SLC9A7: variants seen among roughly 807,000 people sequenced by gnomAD.
SLC9A7 encodes the protein solute carrier family 9 member A7, also known as sodium/hydrogen exchanger 7.
In SLC9A7, 19 loss-of-function variants were observed where a neutral mutation model predicts 52.6. The observed-to-expected ratio is 0.36, with a 90% CI of 0.25 to 0.53. SLC9A7 has a LOEUF of 0.53. SLC9A7 is among the 20% of genes least tolerant of loss of function. The pLI is 0.91. For missense variants in SLC9A7, 455 were observed against 597.9 expected (o/e 0.76, Z 2.49); for synonymous variants, 226 against 252.1 (o/e 0.90, Z 0.98).
chrX:46,630,913 C>T (rs1943210404), intron 14 of SLC9A7, among the ~76,000 whole-genome samples: 1 of 112,386 alleles, frequency 8.9e-6, no homozygotes, highest in South Asian at 3.7e-4. Context: ...ATAAGAAATC[C>T]AACTACCCAG....
At chrX:46,618,936 T>A (rs1382922795) in intron 15 of SLC9A7, among the ~76,000 whole-genome samples, 6 of 75,502 alleles carry the variant, frequency 7.9e-5, no homozygotes, top group Non-Finnish European at 1.4e-4. Context: ...AGAGTGAGAC[T>A]CTGTCTCAAA....
chrX:46,682,852 G>A (rs946096705), intron 1 of SLC9A7, among the ~76,000 whole-genome samples: 24 of 109,203 alleles, frequency 2.2e-4, no homozygotes, highest in African/African-American at 7.4e-4. Flanking sequence ...GGAGTGCAGT[G>A]GCGTGATCTG....
intron 10 of SLC9A7, among the ~76,000 whole-genome samples, chrX:46,650,233 G>A (rs1041494874): frequency 9.0e-6 from 1 of 111,444 alleles, no homozygotes; most frequent in Non-Finnish European, 1.9e-5. Flanking sequence ...AAAGGCAAAT[G>A]TGAATGTCCA....
rs1017677469 is a variant in SLC9A7 at position 46,684,528 on chromosome X, T to C, written c.326-1993A>G. On this transcript the variant is annotated intron_variant, in intron 1 of 16. Coordinates refer to ENST00000616978, the MANE Select transcript of SLC9A7 (RefSeq NM_001257291.2). ...CCCCAGACCTTTTAAAAAACATATT[T>C]AAAAAAACATATTTATCATTACCAA... 2.7e-5 allele frequency among the ~76,000 whole-genome samples: 3 copies of C among 111,775 alleles called. No homozygotes were observed. The Admixed American group carries it at 2.8e-4, about 11-fold the overall frequency.
Position 46,648,693 on chromosome X carries a change from C to T in SLC9A7, c.1455G>A (p.Met485Ile). The change falls in exon 11 of 17, where the codon ATG (methionine) becomes ATA (isoleucine). Residue 485 changes from methionine (M) to isoleucine (I), a missense_variant. Physicochemically the swap from Met to Ile is conservative, Grantham distance 10. Coordinates refer to ENST00000616978, the MANE Select transcript of SLC9A7 (RefSeq NM_001257291.2). ...ACACTTACGCCTTTTTACCTGAAAA[C>T]ATCATCATGTGTTGAAAATTCCAGC... ...KIGWNFQHMM[M>I]FSGLRGAMAF... The T allele has an allele frequency of 8.3e-7, 1 of 1,201,063 alleles. No individual in the cohort carries two copies. Among genetic ancestry groups the T allele is most frequent in the Non-Finnish European group, 1.1e-6 (1 of 886,045 alleles).
rs564771106 is a variant in SLC9A7 at position 46,671,941 on chromosome X, G to T, written c.680+610C>A. 2.3e-4 allele frequency among the ~76,000 whole-genome samples: 26 copies of T among 112,049 alleles called. No individual in the cohort carries two copies. In the South Asian group the frequency reaches 7.8e-3, roughly 34 times the overall value. On this transcript the variant is annotated intron_variant, in intron 4 of 16. Coordinates refer to ENST00000616978, the MANE Select transcript of SLC9A7 (RefSeq NM_001257291.2). ...GGGGACTGAGCTCCACCTCCTTGAGGGGGGATGTATCTACATAAAGTATTT... is the reference window on the plus strand; with the variant it reads ...GGGGACTGAGCTCCACCTCCTTGAGTGGGGATGTATCTACATAAAGTATTT...
At chrX:46,662,702 T>G in intron 5 of SLC9A7, 59 bp from the exon 6 acceptor site, 1 of 894,603 alleles carries the variant, frequency 1.1e-6, no homozygotes, top group Non-Finnish European at 1.6e-6. Context: ...AAATCACTGA[T>G]TACAGATTTA....
At chrX:46,640,417 G>A (rs1186767443) in intron 12 of SLC9A7, among the ~76,000 whole-genome samples, 1 of 112,184 alleles carries the variant, frequency 8.9e-6, no homozygotes, top group Non-Finnish European at 1.9e-5. Flanking sequence ...ATGGATCACA[G>A]ACTTAAATGT....
intron 3 of SLC9A7, among the ~76,000 whole-genome samples, chrX:46,673,716 T>C (rs184912844): frequency 2.1e-4 from 23 of 111,846 alleles, no homozygotes; most frequent in African/African-American, 7.5e-4. Context: ...GCAGCTACCA[T>C]GAAGCATGAC....
At chrX:46,672,427 G>A (rs1944039622) in intron 4 of SLC9A7, 124 bp downstream of exon 4, 4 of 463,785 alleles carry the variant, frequency 8.6e-6, no homozygotes, top group Non-Finnish European at 1.1e-5. Flanking sequence ...CATACTGAAC[G>A]GTGTAACTCT....
chrX:46,654,374 C>T (rs991737609), intron 7 of SLC9A7, among the ~76,000 whole-genome samples: 2 of 109,898 alleles, frequency 1.8e-5, no homozygotes, highest in Non-Finnish European at 3.8e-5. Flanking sequence ...CAGAGTGAGA[C>T]TCCGTCAAAA....
chrX:46,677,600 TA>T (rs1237300615), intron 3 of SLC9A7, among the ~76,000 whole-genome samples: 2 of 112,373 alleles, frequency 1.8e-5, no homozygotes, highest in Non-Finnish European at 3.8e-5. Context: ...AAATAAAGAA[TA>T]TCCGTTCCTA....
At chrX:46,682,960 A>ATTTTTTTTTTTTTTTTTTTT (rs1169630244) in intron 1 of SLC9A7, among the ~76,000 whole-genome samples, 8 of 64,903 alleles carry the variant, frequency 1.2e-4, no homozygotes, top group African/African-American at 2.1e-4. Flanking sequence ...CACCCGGCTA[A>ATTTTTTTTTTTTTTTTTTTT]TTTTTTTTTT....
intron 1 of SLC9A7, among the ~76,000 whole-genome samples, chrX:46,686,087 C>T (rs753910225): frequency 2.7e-5 from 3 of 112,167 alleles, no homozygotes; most frequent in Non-Finnish European, 5.6e-5. Flanking sequence ...CAACTCTCTT[C>T]CAGTAATCAT....
chrX:46,608,690 GGCTGGAGT>G (rs1225066048), intron 16 of SLC9A7, among the ~76,000 whole-genome samples: 2 of 111,576 alleles, frequency 1.8e-5, no homozygotes, highest in African/African-American at 6.5e-5. Flanking sequence ...TTGCCACCCA[GGCTGGAGT>G]GCAATGGTGC....
At chrX:46,682,028 T>C (rs767531615) in intron 2 of SLC9A7, among the ~76,000 whole-genome samples, 1 of 111,860 alleles carries the variant, frequency 8.9e-6, no homozygotes, top group Non-Finnish European at 1.9e-5. Context: ...ATAAGAGACA[T>C]AGCAAAGAGG....
intron 3 of SLC9A7, among the ~76,000 whole-genome samples, chrX:46,678,406 AT>A (rs975585889): frequency 1.5e-4 from 6 of 40,222 alleles, no homozygotes; most frequent in African/African-American, 5.0e-4. Context: ...GATATCTGGC[AT>A]TTGTTTTTAT....
chrX:46,689,522 G>T (rs2146888609), intron 1 of SLC9A7, among the ~76,000 whole-genome samples: 1 of 110,439 alleles, frequency 9.1e-6, no homozygotes, highest in South Asian at 3.9e-4. Context: ...GAGTGGGACT[G>T]CTCGGTCATA....
At chrX:46,695,221 T>TA (rs1203843153) in intron 1 of SLC9A7, among the ~76,000 whole-genome samples, 2 of 112,609 alleles carry the variant, frequency 1.8e-5, no homozygotes, top group Admixed American at 9.4e-5. Context: ...AGTTTTTTTT[T>TA]AAAAAAAGAG....
Sources: allele counts gnomAD v4.1 joint callset (sites outside exome capture counted in the v4.1 genomes callset), GRCh38; gene constraint gnomAD v4.1.1; transcripts MANE v1.5; gene names NCBI Gene and HGNC (gene_info 2026-07-23, HGNC 2026-07-21).